ARHGAP21: variants seen among roughly 807,000 people sequenced by gnomAD.
ARHGAP21 encodes rho GTPase-activating protein 21.
In ARHGAP21, 38 loss-of-function variants were observed where a neutral mutation model predicts 164.6. The ratio of observed to expected loss-of-function variants is 0.23; its 90% CI spans 0.18 to 0.30. The LOEUF (loss-of-function observed/expected upper bound fraction) is 0.30, where lower values mean the gene tolerates loss of function less well. ARHGAP21 is among the 10% of genes least tolerant of loss of function. The pLI is 1.00. For synonymous variants in ARHGAP21, 766 were observed against 857.9 expected, an observed-to-expected ratio of 0.89 and a Z score of 1.87; for missense variants, 1,822 against 2,370.7, an observed-to-expected ratio of 0.77 and a Z score of 4.81.
intron 4 of ARHGAP21, among the ~76,000 whole-genome samples, chr10:24,650,965 C>CA (rs148327240): frequency 4.0e-3 from 519 of 129,778 alleles, no homozygotes; most frequent in South Asian, 7.8e-3. Context: ...GCTGAGGAGA[C>CA]AAAAAAAAAA....
intron 4 of ARHGAP21, among the ~76,000 whole-genome samples, chr10:24,666,189 C>T (rs1225863314): frequency 6.6e-6 from 1 of 152,114 alleles, no homozygotes; most frequent in Non-Finnish European, 1.5e-5. Context: ...GCCACCACAC[C>T]CGGCTAATAT....
At chr10:24,701,656 T>C (rs942306592) in intron 2 of ARHGAP21, among the ~76,000 whole-genome samples, 3 of 152,014 alleles carry the variant, frequency 2.0e-5, no homozygotes, top group Non-Finnish European at 4.4e-5. Flanking sequence ...TGACTAGGGT[T>C]TGAAAAGGAA....
intron 2 of ARHGAP21, among the ~76,000 whole-genome samples, chr10:24,704,746 G>C (rs1408334465): frequency 6.6e-6 from 1 of 152,050 alleles, no homozygotes; most frequent in Admixed American, 6.6e-5. Context: ...TAGGATTACA[G>C]GTGTGAGCCA....
In ARHGAP21 at chr10:24,585,626, G is replaced by C. The variant is rs1489728640; in HGVS notation, c.4663C>G (p.Gln1555Glu). The C allele has an allele frequency of 1.2e-6, 2 of 1,614,146 alleles. No individual in the cohort carries two copies. The highest frequency in any genetic ancestry group is 1.7e-6 in the Non-Finnish European group (2 of 1,180,028). Residue 1555 changes from glutamine to glutamate, a missense_variant, in exon 26 of 26, where the codon CAG (glutamine) becomes GAG (glutamate). This residue lies in a region of ARHGAP21 where 333 missense variants were observed against 383.9 expected (regional missense o/e 0.87). Transcript: ENST00000396432. ...ATGGAAAACCTTGCCAGGGAGGCCT[G>C]GGAAGACGTGCTGAGCAAAGTGCCA... The part of the protein sequence containing the change: ...DSGTLLSTSS[Q>E]ASLARFSMKK...
chr10:24,699,981 G>GT (rs886360395), intron 2 of ARHGAP21, among the ~76,000 whole-genome samples: 5 of 152,070 alleles, frequency 3.3e-5, no homozygotes, highest in Admixed American at 1.3e-4. Context: ...AGAGAGAGGT[G>GT]TTTTTTTTCC....
At chr10:24,704,288 TC>T (rs1843997272) in intron 2 of ARHGAP21, among the ~76,000 whole-genome samples, 2 of 146,786 alleles carry the variant, frequency 1.4e-5, no homozygotes, top group Non-Finnish European at 3.0e-5. Context: ...TTTTTTCTTT[TC>T]TTTTTTTTTT....
chr10:24,654,530 G>A, intron 4 of ARHGAP21, among the ~76,000 whole-genome samples: 1 of 152,138 alleles, frequency 6.6e-6, no homozygotes, highest in Non-Finnish European at 1.5e-5. Flanking sequence ...TTGTTTCAAA[G>A]AGAATAAAAT....
intron 2 of ARHGAP21, among the ~76,000 whole-genome samples, chr10:24,671,700 G>A (rs1840716392): frequency 6.7e-6 from 1 of 149,658 alleles, no homozygotes; most frequent in African/African-American, 2.5e-5. Context: ...CACATATTTT[G>A]TAATTTCTTT....
At chr10:24,664,560 A>T (rs1840006858) in intron 4 of ARHGAP21, among the ~76,000 whole-genome samples, 1 of 150,764 alleles carries the variant, frequency 6.6e-6, no homozygotes, top group Admixed American at 6.6e-5. Context: ...GTCTCAAAAA[A>T]AAAAAATAAT....
In ARHGAP21 at chr10:24,620,035, T is replaced by C. The variant is rs2131176349; in HGVS notation, c.1860A>G (p.Lys620=). ...GISQDRSPLV[K]VRSNSLKAPS... is the part of the protein sequence containing the mutation. ...GAGCTTTCAGAGAATTACTTCGGAC[T>C]TTCACAAGAGGTGACCTGTCTTGTG... is the stretch of plus-strand genomic sequence containing the variant. The change falls in exon 9 of 26, where the codon AAA becomes AAG. Residue 620 remains lysine (K), a synonymous_variant. Transcript: ENST00000396432. The C allele has an allele frequency of 1.9e-6, 3 of 1,613,988 alleles. No homozygotes were observed. In the East Asian group the frequency reaches 6.7e-5, roughly 36 times the overall value.
At chr10:24,630,198 T>C (rs977860893) in intron 6 of ARHGAP21, 148 bp from the exon 7 acceptor site, 8 of 474,488 alleles carry the variant, frequency 1.7e-5, no homozygotes, top group African/African-American at 1.6e-4. Context: ...ATCAAATCAT[T>C]AGAATGAAAA....
intron 4 of ARHGAP21, chr10:24,648,830 C>A (rs1837870545): frequency 1.0e-6 from 1 of 983,302 alleles, no homozygotes; most frequent in South Asian, 4.7e-5. Context: ...TATATTCTTA[C>A]CATCACAGCC....
chr10:24,600,398 T>C (rs1218374249), intron 14 of ARHGAP21, among the ~76,000 whole-genome samples: 2 of 152,148 alleles, frequency 1.3e-5, no homozygotes, highest in Non-Finnish European at 2.9e-5. Context: ...AGGAATGTAG[T>C]TCATTGCTTC....
At chr10:24,653,950 G>A (rs551793912) in intron 4 of ARHGAP21, among the ~76,000 whole-genome samples, 2 of 152,232 alleles carry the variant, frequency 1.3e-5, no homozygotes, top group African/African-American at 4.8e-5. Context: ...CCTACATAAT[G>A]GAGGAAAATA....
intron 9 of ARHGAP21, among the ~76,000 whole-genome samples, chr10:24,616,124 GA>G (rs1197814127): frequency 6.6e-6 from 1 of 152,056 alleles, no homozygotes. Context: ...TCAAATAGTG[GA>G]AGCAAAAATC....
intron 7 of ARHGAP21, among the ~76,000 whole-genome samples, chr10:24,627,464 A>AAGGAC (rs58135504): frequency 6.6e-6 from 1 of 151,462 alleles, no homozygotes; most frequent in African/African-American, 2.4e-5. Context: ...AATGTGAATT[A>AAGGAC]AGGTTAAAAA....
chr10:24,710,118 G>T (rs1478683230), intron 2 of ARHGAP21, among the ~76,000 whole-genome samples: 2 of 152,122 alleles, frequency 1.3e-5, no homozygotes, highest in Non-Finnish European at 2.9e-5. Flanking sequence ...AAAGGCTGTT[G>T]CTCACTTCTA....
At chr10:24,656,381 G>C (rs1413264401) in intron 4 of ARHGAP21, among the ~76,000 whole-genome samples, 1 of 103,800 alleles carries the variant, frequency 9.6e-6, no homozygotes, top group South Asian at 3.6e-4. Flanking sequence ...CCCCGTCCGG[G>C]AGGGAGGTGG....
Position 24,621,245 on chromosome 10 carries a change from G to A in ARHGAP21, c.650C>T (p.Pro217Leu). Residue 217 changes from proline (P) to leucine (L), a missense_variant, in exon 9 of 26, where the codon CCA (proline) becomes CTA (leucine). This residue lies in a region of ARHGAP21 where 1,090 missense variants were observed against 1,378.9 expected (regional missense o/e 0.79). Coordinates refer to ENST00000396432, the MANE Select transcript of ARHGAP21 (RefSeq NM_020824.4). ...TGAGTCAGGAGGAGATATTTCAACT[G>A]GCTGTGCCATGGCTGATGGGGCAGA... ...LPSAPSAMAQ[P>L]VEISPPDSSL... The A allele has an allele frequency of 6.2e-7, 1 of 1,613,904 alleles. No individual in the cohort carries two copies. The highest frequency in any genetic ancestry group is 1.1e-5 in the South Asian group (1 of 91,076).
Sources: gnomAD v4.1 joint callset for allele counts (sites outside exome capture counted in the v4.1 genomes callset) on GRCh38, gnomAD v4.1.1 for gene constraint, gnomAD v4.1.1 regional missense constraint, MANE v1.5 for transcripts, NCBI Gene and HGNC (gene_info 2026-07-23, HGNC 2026-07-21) for gene names.